Variants in RFX4 observed in about 807,000 individuals in gnomAD.
RFX4 encodes the protein regulatory factor X4.
A neutral mutation model predicts 95.0 loss-of-function variants in RFX4; 10 were observed. The ratio of observed to expected loss-of-function variants is 0.11; its 90% CI spans 0.06 to 0.18. The LOEUF is 0.18. Among genes scored for constraint, RFX4 ranks in the 10% least tolerant of loss-of-function variants. RFX4 has a pLI of 1.00. For missense variants in RFX4, 640 were observed against 922.0 expected (o/e 0.69, Z 3.96); for synonymous variants, 321 against 340.7 (o/e 0.94, Z 0.64).
At chr12:106,585,382 T>C (rs566395555) in intron 1 of RFX4, among the ~76,000 whole-genome samples, 1 of 152,268 alleles carries the variant, frequency 6.6e-6, no homozygotes, top group African/African-American at 2.4e-5. Flanking sequence ...CATCCACTTC[T>C]CTCCCTTTTG....
chr12:106,639,619 T>C (rs960446132), intron 3 of RFX4, among the ~76,000 whole-genome samples: 1 of 152,332 alleles, frequency 6.6e-6, no homozygotes, highest in African/African-American at 2.4e-5. Flanking sequence ...TTTTCTGTTA[T>C]CCAAACACTG....
At chr12:106,619,761 G>A (rs546399106) in intron 2 of RFX4, among the ~76,000 whole-genome samples, 26 of 151,812 alleles carry the variant, frequency 1.7e-4, no homozygotes, top group Admixed American at 7.9e-4. Flanking sequence ...GTTTTGCTCT[G>A]GTTTGTCCAT....
chr12:106,686,326 G>A (rs928200814), intron 5 of RFX4, among the ~76,000 whole-genome samples: 4 of 151,410 alleles, frequency 2.6e-5, no homozygotes, highest in Non-Finnish European at 4.4e-5. Context: ...CAGGAGAATC[G>A]CTTGAACCCG....
chr12:106,696,219 C>T (rs576533452), intron 7 of RFX4, 64 bp from the exon 8 acceptor site: 5 of 1,589,702 alleles, frequency 3.1e-6, no homozygotes, highest in African/African-American at 1.3e-5. Flanking sequence ...TTGGTGGAGT[C>T]CCAAGCTTCT....
intron 4 of RFX4, 89 bp from the exon 5 acceptor site, chr12:106,681,904 C>G: frequency 7.2e-7 from 1 of 1,385,104 alleles, no homozygotes; most frequent in South Asian, 1.2e-5. Context: ...CTATGTTTTC[C>G]TCCCTTCTGT....
In RFX4 at chr12:106,714,092, G is replaced by T. The variant is rs866803055; in HGVS notation, c.994-1308G>T. ...TCAAAAAAAAAAAAAAAAAAAAAAA[G>T]CATGTTCTAAACACTTGCTTACAGA... On this transcript the variant is annotated intron_variant, in intron 10 of 17. Transcript: ENST00000392842. 8.4e-5 allele frequency among the ~76,000 whole-genome samples: 6 copies of T among 71,292 alleles called. 1 individual carries two copies. Among genetic ancestry groups the T allele is most frequent in the African/African-American group, 2.4e-4 (4 of 16,900 alleles). The allele number at this position is 71,292 out of a possible 152,430, so 46.8% of individuals were successfully genotyped here.
intron 8 of RFX4, among the ~76,000 whole-genome samples, chr12:106,708,066 G>A (rs61943289): frequency 0.012 from 1,892 of 152,270 alleles, 19 homozygotes; most frequent in Middle Eastern, 0.041. Context: ...CCTGGGAGCC[G>A]GAGGTTGCAG....
intron 2 of RFX4, among the ~76,000 whole-genome samples, chr12:106,620,759 C>T (rs1035108455): frequency 7.2e-5 from 11 of 152,052 alleles, no homozygotes; most frequent in Non-Finnish European, 1.6e-4. Context: ...GAGGGTACTG[C>T]AGGAGACCAG....
At chr12:106,703,743 T>G (rs1263064037) in intron 8 of RFX4, among the ~76,000 whole-genome samples, 1 of 152,152 alleles carries the variant, frequency 6.6e-6, no homozygotes, top group Non-Finnish European at 1.5e-5. Flanking sequence ...ATTGACTTAT[T>G]TTTACAGATG....
At chr12:106,601,008 C>T in intron 1 of RFX4, 1 of 608,378 alleles carries the variant, frequency 1.6e-6, no homozygotes, top group Non-Finnish European at 2.4e-6. Context: ...ATGTTGATCA[C>T]TAGCTGCTCA....
chr12:106,737,669 G>A (rs1043887960), intron 15 of RFX4, among the ~76,000 whole-genome samples: 1 of 151,984 alleles, frequency 6.6e-6, no homozygotes, highest in Admixed American at 6.5e-5. Context: ...TTGCTATCTT[G>A]TGTACTAGTC....
rs2042193127 is a variant in RFX4, at chr12:106,711,637, T to C, written c.993+126T>C. On this transcript the variant is annotated intron_variant, in intron 10 of 17. Coordinates refer to ENST00000392842, the MANE Select transcript of RFX4 (RefSeq NM_213594.3). ...GGGCACTCTCTCTATTATTTTTTAA[T>C]TTCTACAGATAAGGAATGAAAACAT... 3 of 723,482 alleles carry C rather than the reference T, an allele frequency of 4.1e-6. No individual in the cohort carries two copies. In the African/African-American group the frequency reaches 5.4e-5, roughly 13 times the overall value. The allele number at this position is 723,482 out of a possible 1,614,324, so 44.8% of individuals were successfully genotyped here.
At chr12:106,709,016 T>TG (rs1200934728) in intron 8 of RFX4, among the ~76,000 whole-genome samples, 1 of 152,206 alleles carries the variant, frequency 6.6e-6, no homozygotes, top group Non-Finnish European at 1.5e-5. Context: ...CACGGCCCAC[T>TG]GTCTTCACCC....
At chr12:106,712,349 G>A (rs2042206882) in intron 10 of RFX4, among the ~76,000 whole-genome samples, 1 of 152,204 alleles carries the variant, frequency 6.6e-6, no homozygotes, top group Admixed American at 6.5e-5. Flanking sequence ...CAGGGCAGCT[G>A]TCAGCTGCTG....
chr12:106,731,269 C>T (rs2042607558), intron 13 of RFX4, among the ~76,000 whole-genome samples: 1 of 152,106 alleles, frequency 6.6e-6, no homozygotes, highest in Admixed American at 6.5e-5. Context: ...TGCATGGTAG[C>T]AGCATGACAT....
intron 3 of RFX4, among the ~76,000 whole-genome samples, chr12:106,641,967 C>CTATCTATATCTATCTATATCTA (rs2040635900): frequency 6.7e-5 from 9 of 134,994 alleles, no homozygotes; most frequent in Admixed American, 1.5e-4. Flanking sequence ...ATATCTATAT[C>CTATCTATATCTATCTATATCTA]TATCTATATC....
At chr12:106,714,730 G>GA (rs549575001) in intron 10 of RFX4, among the ~76,000 whole-genome samples, 395 of 150,092 alleles carry the variant, frequency 2.6e-3, no homozygotes, top group Admixed American at 4.6e-3. Flanking sequence ...CAGCTTTAAA[G>GA]AAAAAAAAAT....
In RFX4 at chr12:106,709,412, C is replaced by A. The variant is rs1241195871; in HGVS notation, c.916C>A (p.Arg306=). 22 of 1,611,870 alleles carry A rather than the reference C, an allele frequency of 1.4e-5. No homozygotes were observed. The highest frequency in any genetic ancestry group is 1.8e-5 in the Non-Finnish European group (21 of 1,179,408). Residue 306 remains arginine (R), a synonymous_variant, in exon 9 of 18, where the codon CGA becomes AGA. Transcript: ENST00000392842. ...VALHDLPENL[R]NIKFELSRRF... ...TCTCCACGACCTCCCAGAAAACTTG[C>A]GAAACATCAAGTTCGAATGTAAGTA...
chr12:106,750,709 G>A lies in RFX4; in HGVS notation c.1851G>A (p.Met617Ile). ...GSYGNQHPHP[M>I]QSQYPALPHD... ...ATGGCAACCAGCATCCTCACCCCATGCAGAGCCAGTATCCGGCCCTCCCTC... is the reference window on the plus strand; with the variant it reads ...ATGGCAACCAGCATCCTCACCCCATACAGAGCCAGTATCCGGCCCTCCCTC... The change falls in exon 17 of 18, where the codon ATG (methionine) becomes ATA (isoleucine). Residue 617 changes from methionine to isoleucine, a missense_variant. By Grantham distance (10) the Met-to-Ile change is conservative. Around this residue, in one of 7 missense-constraint regions of RFX4, gnomAD observed 300 missense variants for 346.8 expected, o/e 0.87. Transcript: ENST00000392842. The A allele has an allele frequency of 6.2e-7, 1 of 1,611,658 alleles. No individual in the cohort carries two copies. The highest frequency in any genetic ancestry group is 8.5e-7 in the Non-Finnish European group (1 of 1,179,056).
Sources: allele counts gnomAD v4.1 joint callset (sites outside exome capture counted in the v4.1 genomes callset), GRCh38; gene constraint gnomAD v4.1.1; regional missense constraint gnomAD v4.1.1; transcripts MANE v1.5; gene names NCBI Gene and HGNC (gene_info 2026-07-23, HGNC 2026-07-21).